The following LIPE variants were observed in gnomAD, a reference collection of about 807,000 sequenced individuals.
LIPE encodes the protein lipase E, hormone sensitive type.
Under a neutral mutation model 88.5 loss-of-function variants are expected in LIPE, and 66 were observed. The ratio of observed to expected loss-of-function variants is 0.75; its 90% CI spans 0.61 to 0.91. The LOEUF (loss-of-function observed/expected upper bound fraction) is 0.91, where lower values mean the gene tolerates loss of function less well. Among genes scored for constraint, LIPE ranks in the 40% least tolerant of loss-of-function variants. LIPE has a pLI of 0.00. For synonymous variants in LIPE, 570 were observed against 617.5 expected (o/e 0.92, Z 1.14); for missense variants, 1,346 against 1,434.7 (o/e 0.94, Z 1.00).
intron 8 of LIPE, among the ~76,000 whole-genome samples, chr19:42,404,229 CT>C (rs1479914382): frequency 6.7e-6 from 1 of 148,176 alleles, no homozygotes; most frequent in African/African-American, 2.5e-5. Context: ...TGTCCAGCTA[CT>C]TTTTGTATTT....
At position 42,401,634 on chromosome 19, in the gene LIPE, C is replaced by G. The variant is rs1020327919; in HGVS notation, c.*178G>C. The G allele has an allele frequency of 1.8e-6, 1 of 566,110 alleles. No homozygotes were observed. The highest frequency in any genetic ancestry group is 3.4e-5 in the East Asian group (1 of 29,500). The allele number at this position is 566,110 out of a possible 1,614,324, so 35.1% of individuals were successfully genotyped here. A position where few individuals can be genotyped will look rare whatever the true frequency, so the allele number is the denominator to read the frequency against. On this transcript the variant is annotated 3_prime_UTR_variant, in exon 10 of 10. Coordinates refer to ENST00000244289, the MANE Select transcript of LIPE (RefSeq NM_005357.4). ...GGCAGCGGTGGCGTGCAGGTCCAGC[C>G]GTCTCGGTGACCGGTGTGTGTGCGC...
At chr19:42,416,930 TA>T (rs1377336678) in intron 1 of LIPE, among the ~76,000 whole-genome samples, 1 of 152,250 alleles carries the variant, frequency 6.6e-6, no homozygotes, top group East Asian at 1.9e-4. Flanking sequence ...ATTATTATTA[TA>T]TTTTTTTGAG....
intron 1 of LIPE, among the ~76,000 whole-genome samples, chr19:42,417,392 G>A (rs1196864089): frequency 6.6e-6 from 1 of 151,980 alleles, no homozygotes; most frequent in Non-Finnish European, 1.5e-5. Context: ...CCTGAGTAGT[G>A]GGGACTACAG....
chr19:42,409,586 G>C (rs939509772), intron 2 of LIPE, among the ~76,000 whole-genome samples: 3 of 152,118 alleles, frequency 2.0e-5, no homozygotes, highest in Non-Finnish European at 2.9e-5. Flanking sequence ...CCCGGGGACG[G>C]ACATTTTAAA....
At chr19:42,425,668 G>A (rs968979240) in intron 1 of LIPE, among the ~76,000 whole-genome samples, 14 of 152,090 alleles carry the variant, frequency 9.2e-5, no homozygotes, top group African/African-American at 1.2e-4. Context: ...AAAAATTAGC[G>A]GGGCATGGTG....
rs143861703 is a variant in LIPE at position 42,408,318 on chromosome 19, G to A, written c.1424C>T (p.Thr475Met). The change falls in exon 3 of 10, where the codon ACG becomes ATG. Residue 475 changes from threonine (T) to methionine (M), a missense_variant. By Grantham distance (81) the Thr-to-Met change is moderately conservative (BLOSUM62 -1). Coordinates refer to ENST00000244289, the MANE Select transcript of LIPE (RefSeq NM_005357.4). This position sits in a 1 kb window ranked among gnomAD's most constrained non-coding sequence, Gnocchi z 4.3. ...CTGCAGGAATGGCCGGATGGCAGGC[G>A]TGAACTGTGGAGAGACGCGGCTGCG... Reference protein sequence around the residue: ...FYGRCLGFQFTPAIRPFLQTI... With the variant: ...FYGRCLGFQFMPAIRPFLQTI... 1.0e-4 allele frequency: 165 copies of A among 1,613,738 alleles called. No homozygotes were observed. The highest frequency in any genetic ancestry group is 1.3e-4 in the Non-Finnish European group (151 of 1,179,834).
chr19:42,408,564 G>A lies in LIPE; in HGVS notation c.1420-242C>T, dbSNP rs77318093. 1 of 498,596 alleles carries A rather than the reference G, an allele frequency of 2.0e-6. No homozygotes were observed. Among genetic ancestry groups the A allele is most frequent in the Non-Finnish European group, 3.6e-6 (1 of 275,782 alleles). The allele number at this position is 498,596 out of a possible 1,614,324, so 30.9% of individuals were successfully genotyped here. On this transcript the variant is annotated intron_variant, in intron 2 of 9. Coordinates refer to ENST00000244289, the MANE Select transcript of LIPE (RefSeq NM_005357.4). The surrounding 1 kb of genome is among the most constrained non-coding windows in gnomAD (Gnocchi z 4.3). The stretch of plus-strand genomic sequence containing the variant: ...CATGACAAGGAATGACGAATGGTTT[G>A]GAAAAAAAAAAAGGCAGTAGGTGGA...
Position 42,408,384 on chromosome 19 carries a change from C to T in LIPE, c.1420-62G>A, listed in dbSNP as rs1057203268. The T allele has an allele frequency of 2.3e-5, 31 of 1,356,218 alleles. No homozygotes were observed. Among genetic ancestry groups the T allele is most frequent in the Non-Finnish European group, 2.7e-5 (26 of 947,518 alleles). 84.0% of individuals were successfully genotyped at this position (1,356,218 alleles called of 1,614,324 possible). On this transcript the variant is annotated intron_variant, in intron 2 of 9. Coordinates refer to ENST00000244289, the MANE Select transcript of LIPE (RefSeq NM_005357.4). This position sits in a 1 kb window ranked among gnomAD's most constrained non-coding sequence, Gnocchi z 4.3. Reference sequence around the variant, plus strand: ...GAGAGGGATGGGGACAGGGCAGGAGCGAGGCACAGGGATGTGCGGGGAAGA... The same window carrying T: ...GAGAGGGATGGGGACAGGGCAGGAGTGAGGCACAGGGATGTGCGGGGAAGA...
rs1235989121 is a variant in LIPE, at chr19:42,407,255, C to A, written c.2056G>T (p.Ala686Ser). Residue 686 changes from alanine to serine, a missense_variant, in exon 6 of 10, where the codon GCC becomes TCC. By Grantham distance (99) the Ala-to-Ser change is moderately conservative. Transcript: ENST00000244289. The surrounding 1 kb of genome is among the most constrained non-coding windows in gnomAD (Gnocchi z 5.8). ...GCACGGGGGAAGGGGGCCTCAGGGG[C>A]CAGGGAGTAGTCGATGGAGATGATG... Reference protein sequence around the residue: ...APIISIDYSLAPEAPFPRALE... With the variant: ...APIISIDYSLSPEAPFPRALE... 2.5e-6 allele frequency: 4 copies of A among 1,598,522 alleles called. No individual in the cohort carries two copies. Among genetic ancestry groups the A allele is most frequent in the South Asian group, 1.1e-5 (1 of 88,932 alleles).
At chr19:42,411,202 G>T in intron 1 of LIPE, 4 of 618,480 alleles carry the variant, frequency 6.5e-6, no homozygotes, top group Non-Finnish European at 8.1e-6. Context: ...GAAACTTGCT[G>T]CCCTGGCCTC....
chr19:42,425,534 G>C (rs2040691514), intron 1 of LIPE, among the ~76,000 whole-genome samples: 1 of 152,100 alleles, frequency 6.6e-6, no homozygotes, highest in African/African-American at 2.4e-5. Context: ...TGTTGGCCAG[G>C]TGCTCGGTGG....
Position 42,410,420 on chromosome 19 carries a change from T to C in LIPE, c.1306A>G (p.Asn436Asp), listed in dbSNP as rs574855850. ...VYYAQRLLVT[N>D]RPGVLFFEGD... is the part of the protein sequence containing the mutation. The stretch of plus-strand genomic sequence containing the variant: ...TCAAAGAAGAGTACCCCCGGCCGAT[T>C]GGTAACCAGCAGGCGCTGGGCGTAG... Residue 436 changes from asparagine to aspartate, a missense_variant, in exon 2 of 10, where the codon AAT becomes GAT. By Grantham distance (23) the Asn-to-Asp change is conservative. Transcript: ENST00000244289. The surrounding 1 kb of genome is among the most constrained non-coding windows in gnomAD (Gnocchi z 6.1). 2 of 1,614,150 alleles carry C rather than the reference T, an allele frequency of 1.2e-6. No homozygotes were observed. The highest frequency in any genetic ancestry group is 2.7e-5 in the African/African-American group (2 of 75,036).
At position 42,407,903 on chromosome 19, in the gene LIPE, G is replaced by GC; in HGVS notation, c.1656+72dup. On this transcript the variant is annotated intron_variant, in intron 4 of 9. Transcript: ENST00000244289. This position sits in a 1 kb window ranked among gnomAD's most constrained non-coding sequence, Gnocchi z 5.8. ...CTTGTGTGCCATCCCTGGGCCTGGA[G>GC]CCCCACAGAGACCTACTGTGGCCTC... 6.4e-7 allele frequency: 1 copy of GC among 1,574,316 alleles called. No homozygotes were observed. Among genetic ancestry groups the GC allele is most frequent in the Non-Finnish European group, 8.6e-7 (1 of 1,160,960 alleles).
chr19:42,423,526 G>A (rs868174350), intron 1 of LIPE: 2 of 1,261,232 alleles, frequency 1.6e-6, no homozygotes, highest in Admixed American at 2.7e-5. Flanking sequence ...CGTTCCCCCG[G>A]CCAACTCCAT....
intron 1 of LIPE, among the ~76,000 whole-genome samples, chr19:42,412,101 G>A (rs1435166672): frequency 6.6e-6 from 1 of 152,172 alleles, no homozygotes; most frequent in Non-Finnish European, 1.5e-5. Context: ...CCTGGACTAC[G>A]TCTGATCTCC....
At chr19:42,413,037 T>A (rs2040416302) in intron 1 of LIPE, among the ~76,000 whole-genome samples, 1 of 152,130 alleles carries the variant, frequency 6.6e-6, no homozygotes. Context: ...GTGACTGGCA[T>A]CCCCACCTCA....
chr19:42,407,234 G>A lies in LIPE; in HGVS notation c.2077C>T (p.Arg693Cys), dbSNP rs1166099993. 12 of 1,579,572 alleles carry A rather than the reference G, an allele frequency of 7.6e-6. No homozygotes were observed. In the Admixed American group the frequency reaches 1.5e-4, roughly 19 times the overall value. Reference sequence around the variant, plus strand: ...GCGAAGAAGCACTCCTCCAGCGCACGGGGGAAGGGGGCCTCAGGGGCCAGG... The same window carrying A: ...GCGAAGAAGCACTCCTCCAGCGCACAGGGGAAGGGGGCCTCAGGGGCCAGG... ...YSLAPEAPFP[R>C]ALEECFFAYC... The change falls in exon 6 of 10, where the codon CGT becomes TGT. Residue 693 changes from arginine to cysteine, a missense_variant. Arg to Cys is a radical substitution (Grantham distance 180). Coordinates refer to ENST00000244289, the MANE Select transcript of LIPE (RefSeq NM_005357.4). The surrounding 1 kb of genome is among the most constrained non-coding windows in gnomAD (Gnocchi z 5.8).
intron 8 of LIPE, among the ~76,000 whole-genome samples, chr19:42,404,639 T>TGG (rs1272862658): frequency 6.6e-6 from 1 of 152,154 alleles, no homozygotes; most frequent in East Asian, 1.9e-4. Flanking sequence ...GTTGGGATTA[T>TGG]GGGCGTAAGC....
In LIPE at chr19:42,410,352, G is replaced by A; in HGVS notation, c.1374C>T (p.Val458=). Residue 458 remains valine, a synonymous_variant, in exon 2 of 10, where the codon GTC becomes GTT. Transcript: ENST00000244289. This position sits in a 1 kb window ranked among gnomAD's most constrained non-coding sequence, Gnocchi z 6.1. ...CATAGAAGCATCCCTTATGCAGCGT[G>A]ACATACTCCCGGAGGAAGTCGGCGG... ...GLTADFLREY[V]TLHKGCFYGR... 6.2e-7 allele frequency: 1 copy of A among 1,612,822 alleles called. No individual in the cohort carries two copies. The highest frequency in any genetic ancestry group is 8.5e-7 in the Non-Finnish European group (1 of 1,179,390).
Sources: gnomAD v4.1 joint callset for allele counts (sites outside exome capture counted in the v4.1 genomes callset) on GRCh38, gnomAD v4.1.1 for gene constraint, Gnocchi (gnomAD v3.1) non-coding constraint, MANE v1.5 for transcripts, NCBI Gene and HGNC (gene_info 2026-07-23, HGNC 2026-07-21) for gene names.